MSTO1: variants seen among roughly 807,000 people sequenced by gnomAD.
The protein encoded by MSTO1 is misato mitochondrial distribution and morphology regulator 1.
A neutral mutation model predicts 55.7 loss-of-function variants in MSTO1; 24 were observed. The observed-to-expected ratio is 0.43, with a 90% CI of 0.31 to 0.61. MSTO1 has a LOEUF of 0.61. Among genes scored for constraint, MSTO1 ranks in the 20% least tolerant of loss-of-function variants. The pLI, the probability that MSTO1 is intolerant of heterozygous loss-of-function variation, is 0.09. For missense variants in MSTO1, 363 were observed against 625.7 expected (o/e 0.58, Z 4.48); for synonymous variants, 162 against 252.8 (o/e 0.64, Z 3.41).
chr1:155,604,604 G>C, the MSTO1 span, among the ~76,000 whole-genome samples: 15 of 152,198 alleles, frequency 9.9e-5, no homozygotes, highest in Non-Finnish European at 2.1e-4. Context: ...GGCAGGGCAC[G>C]GTGGCTCAGG....
At chr1:155,609,241 A>ATTTTT (rs1481008523), upstream of MSTO1, among the ~76,000 whole-genome samples, 48 of 48,334 alleles carry the variant, frequency 9.9e-4, no homozygotes, top group Non-Finnish European at 1.4e-3. Flanking sequence ...ATATATATAT[A>ATTTTT]TATTTTTTTT....
intron 9 of MSTO1, 131 bp from the exon 10 acceptor site, chr1:155,612,713 C>G (rs1274117311): frequency 7.1e-7 from 1 of 1,408,840 alleles, no homozygotes; most frequent in African/African-American, 1.4e-5. Flanking sequence ...TCACACTGTC[C>G]TATGCTTGTC....
At chr1:155,609,236 TATATA>T (rs1374869318), upstream of MSTO1, among the ~76,000 whole-genome samples, 65 of 53,100 alleles carry the variant, frequency 1.2e-3, 1 homozygote, top group East Asian at 0.015. Flanking sequence ...TATATATATA[TATATA>T]TATTTTTTTT....
the MSTO1 span, among the ~76,000 whole-genome samples, chr1:155,577,912 A>G: frequency 6.6e-6 from 1 of 152,146 alleles, no homozygotes; most frequent in Non-Finnish European, 1.5e-5. Flanking sequence ...CACCCAGCTA[A>G]TTTTGTATTT....
the MSTO1 span, among the ~76,000 whole-genome samples, chr1:155,598,136 A>T: frequency 6.7e-6 from 1 of 150,172 alleles, no homozygotes; most frequent in Non-Finnish European, 1.5e-5. Flanking sequence ...TTTTTTTTTT[A>T]GATGGAATTT....
rs755913839 is a variant in MSTO1, at chr1:155,613,201, G to A, written c.1251G>A (p.Val417=). 2.5e-6 allele frequency: 4 copies of A among 1,613,988 alleles called. No homozygotes were observed. In the East Asian group the frequency reaches 8.9e-5, roughly 36 times the overall value. ...SGTRCFAQSV[V]LRGIDRACHT... is the part of the protein sequence containing the mutation. ...CACGTTGCTTTGCCCAGTCAGTGGTGCTGAGGGGTATAGACAGAGCATGCC... is the reference window on the plus strand; with the variant it reads ...CACGTTGCTTTGCCCAGTCAGTGGTACTGAGGGGTATAGACAGAGCATGCC... The change falls in exon 11 of 14, where the codon GTG becomes GTA. Residue 417 remains valine (V), a synonymous_variant. Coordinates refer to ENST00000245564, the MANE Select transcript of MSTO1 (RefSeq NM_018116.4).
At chr1:155,582,937 G>C in the MSTO1 span, among the ~76,000 whole-genome samples, 4 of 151,272 alleles carry the variant, frequency 2.6e-5, no homozygotes, top group African/African-American at 9.7e-5. Flanking sequence ...GAGTGCGCTG[G>C]TCACTGCAGC....
intron 4 of MSTO1, 75 bp downstream of exon 4, chr1:155,611,366 A>G: frequency 1.2e-6 from 2 of 1,612,832 alleles, no homozygotes; most frequent in Non-Finnish European, 1.7e-6. Context: ...GTAAACGGGG[A>G]TTTTAATCAT....
the MSTO1 span, chr1:155,563,283 C>T: frequency 1.1e-5 from 5 of 455,882 alleles, no homozygotes; most frequent in South Asian, 4.6e-5. Context: ...TGGTCGCAGG[C>T]GGTGTGTGCC....
Position 155,614,933 on chromosome 1 carries a change from T to A in MSTO1, c.*660T>A. On this transcript the variant is annotated 3_prime_UTR_variant, in exon 14 of 14. Transcript: ENST00000245564. ...TAACATGTTAACATTTATGAAGCAC[T>A]ATATATTGATTTGCAAAATCTTTTG... 1 of 1,213,586 alleles carries A rather than the reference T, an allele frequency of 8.2e-7. No individual in the cohort carries two copies. The highest frequency in any genetic ancestry group is 1.2e-6 in the Non-Finnish European group (1 of 838,602). 75.2% of individuals were successfully genotyped at this position (1,213,586 alleles called of 1,614,324 possible). A position where few individuals can be genotyped will look rare whatever the true frequency, so the allele number is the denominator to read the frequency against.
chr1:155,577,842 C>T, the MSTO1 span, among the ~76,000 whole-genome samples: 1 of 152,272 alleles, frequency 6.6e-6, no homozygotes, highest in East Asian at 1.9e-4. Flanking sequence ...ACTTCTCAGG[C>T]TCAAGCGATC....
At chr1:155,604,391 A>G in the MSTO1 span, among the ~76,000 whole-genome samples, 90 of 152,366 alleles carry the variant, frequency 5.9e-4, 1 homozygote, top group South Asian at 0.018. Flanking sequence ...TCTGATTCTA[A>G]CGCAATTTAA....
Position 155,614,804 on chromosome 1 carries a change from C to T in MSTO1, c.*531C>T. ...TTGCTGGTACTGGTTGCATCATCCTCATCCTCAGAGCTGGCTTCACAGGCA... is the reference window on the plus strand; with the variant it reads ...TTGCTGGTACTGGTTGCATCATCCTTATCCTCAGAGCTGGCTTCACAGGCA... On this transcript the variant is annotated 3_prime_UTR_variant, in exon 14 of 14. Coordinates refer to ENST00000245564, the MANE Select transcript of MSTO1 (RefSeq NM_018116.4). 1.3e-6 allele frequency: 2 copies of T among 1,573,612 alleles called. No individual in the cohort carries two copies. The highest frequency in any genetic ancestry group is 1.7e-6 in the Non-Finnish European group (2 of 1,154,548).
In MSTO1 at chr1:155,613,108, T is replaced by G. The variant is rs762203717; in HGVS notation, c.1158T>G (p.Asp386Glu). 4.6e-5 allele frequency: 75 copies of G among 1,613,804 alleles called. No homozygotes were observed. The highest frequency in any genetic ancestry group is 6.4e-5 in the Non-Finnish European group (75 of 1,180,010). The part of the protein sequence containing the change: ...FPLAPGQSLP[D>E]SLMQFGGATP... ...TGGCTCCAGGCCAGTCCCTTCCTGA[T>G]TCCCTGATGCAGTTTGGAGGAGCCA... Residue 386 changes from aspartate (D) to glutamate (E), a missense_variant, in exon 11 of 14, where the codon GAT (aspartate) becomes GAG (glutamate). Transcript: ENST00000245564.
the MSTO1 span, chr1:155,591,124 C>G: frequency 6.2e-7 from 1 of 1,613,550 alleles, no homozygotes; most frequent in Non-Finnish European, 8.5e-7. Flanking sequence ...CAGGCCCTCC[C>G]ACACCACCTG....
At chr1:155,567,243 C>T in the MSTO1 span, among the ~76,000 whole-genome samples, 3 of 152,004 alleles carry the variant, frequency 2.0e-5, no homozygotes, top group East Asian at 1.9e-4. Context: ...CCCGCCTCAG[C>T]CTCCTGAGTA....
At chr1:155,579,127 G>T in the MSTO1 span, among the ~76,000 whole-genome samples, 9 of 151,418 alleles carry the variant, frequency 5.9e-5, no homozygotes, top group African/African-American at 2.2e-4. Context: ...GACCAACATG[G>T]AGAAACCCCG....
chr1:155,587,762 A>G, the MSTO1 span, among the ~76,000 whole-genome samples: 2 of 151,748 alleles, frequency 1.3e-5, no homozygotes, highest in African/African-American at 4.8e-5. Flanking sequence ...AAAAAAAAAA[A>G]AAGGAATAAC....
chr1:155,608,418 G>A (rs1673014776), upstream of MSTO1, among the ~76,000 whole-genome samples: 1 of 151,880 alleles, frequency 6.6e-6, no homozygotes, highest in Non-Finnish European at 1.5e-5. Flanking sequence ...GGACTCAAGC[G>A]ATCTTCCTGC....
Sources: gnomAD v4.1 joint callset for allele counts (sites outside exome capture counted in the v4.1 genomes callset) on GRCh38, gnomAD v4.1.1 for gene constraint, MANE v1.5 for transcripts, NCBI Gene and HGNC (gene_info 2026-07-23, HGNC 2026-07-21) for gene names.